PSMD11: variants seen among roughly 807,000 people sequenced by gnomAD.
PSMD11 encodes proteasome 26S subunit, non-ATPase 11, also known as 26S proteasome non-ATPase regulatory subunit 11.
In PSMD11, 5 loss-of-function variants were observed where a neutral mutation model predicts 62.3. The observed-to-expected ratio is 0.08, with a 90% CI of 0.04 to 0.17. The LOEUF is 0.17. Ranked by LOEUF, PSMD11 falls within the 10% of genes least tolerant of loss-of-function variation. The pLI is 1.00. For synonymous variants in PSMD11, 191 were observed against 191.8 expected (o/e 1.00, Z 0.03); for missense variants, 310 against 512.9 (o/e 0.60, Z 3.82).
In PSMD11 at chr17:32,453,322, G is replaced by A. The variant is rs373658536; in HGVS notation, c.194-1173G>A. ...TAAGGTTTATATAGACTGAGAAGAT[G>A]GCAAGACATTTCAGATGGGATTATG... On this transcript the variant is annotated intron_variant, in intron 2 of 13. Coordinates refer to ENST00000261712, the MANE Select transcript of PSMD11 (RefSeq NM_002815.4). Among the ~76,000 whole-genome samples the A allele has an allele frequency of 5.3e-5, 8 of 152,312 alleles. No individual in the cohort carries two copies. In the East Asian group the frequency reaches 1.5e-3, roughly 29 times the overall value.
Position 32,480,132 on chromosome 17 carries a change from T to G in PSMD11, c.1075-14T>G. The G allele has an allele frequency of 6.2e-7, 1 of 1,612,178 alleles. No homozygotes were observed. Among genetic ancestry groups the G allele is most frequent in the Non-Finnish European group, 8.5e-7 (1 of 1,178,204 alleles). On this transcript the variant is annotated splice_polypyrimidine_tract_variant and intron_variant, in intron 11 of 13. Coordinates refer to ENST00000261712, the MANE Select transcript of PSMD11 (RefSeq NM_002815.4). ...GTGGATACTGGTCCCTTTAATCATGTGCTTTGATTTTAGGCCGACGTGGAA... is the reference window on the plus strand; with the variant it reads ...GTGGATACTGGTCCCTTTAATCATGGGCTTTGATTTTAGGCCGACGTGGAA...
chr17:32,479,949 A>G (rs1017668309), intron 11 of PSMD11, 63 bp downstream of exon 11: 21 of 1,563,766 alleles, frequency 1.3e-5, no homozygotes, highest in Non-Finnish European at 1.7e-5. Context: ...GGGGTGGCAC[A>G]TGCACCTGAT....
At chr17:32,450,033 A>G (rs1458871165) in intron 2 of PSMD11, among the ~76,000 whole-genome samples, 2 of 152,180 alleles carry the variant, frequency 1.3e-5, no homozygotes, top group Admixed American at 1.3e-4. Flanking sequence ...TTCATAGCCT[A>G]AAACTTCTAA....
In PSMD11 at chr17:32,468,892, G is replaced by A. The variant is rs557794356; in HGVS notation, c.449-107G>A. ...CTAGAGGTAACCTTTTTTGAGTTCA[G>A]GAATTTTTTTTTTTTTTTAATCCTG... On this transcript the variant is annotated intron_variant, in intron 5 of 13. Transcript: ENST00000261712. 7.6e-6 allele frequency: 8 copies of A among 1,050,312 alleles called. No individual in the cohort carries two copies. The African/African-American group carries it at 1.3e-4, about 17-fold the overall frequency. The allele number at this position is 1,050,312 out of a possible 1,614,324, so 65.1% of individuals were successfully genotyped here. A position where few individuals can be genotyped will look rare whatever the true frequency, so the allele number is the denominator to read the frequency against.
intron 1 of PSMD11, 69 bp from the exon 2 acceptor site, chr17:32,446,876 G>T: frequency 9.9e-7 from 1 of 1,009,928 alleles, no homozygotes; most frequent in Non-Finnish European, 1.5e-6. Context: ...GATCTTATGA[G>T]GGTGAAATTT....
In PSMD11 at chr17:32,449,827, A is replaced by G. The variant is rs900693769; in HGVS notation, c.193+2781A>G. On this transcript the variant is annotated intron_variant, in intron 2 of 13. Coordinates refer to ENST00000261712, the MANE Select transcript of PSMD11 (RefSeq NM_002815.4). ...AACAGAAAATATGTCTGTTCCATTA[A>G]TGTTCAGTTTTTTTATGCATTTAAT... Among the ~76,000 whole-genome samples, 10 of 152,308 alleles carry G rather than the reference A, an allele frequency of 6.6e-5. 1 individual carries two copies. In the South Asian group the frequency reaches 1.0e-3, roughly 16 times the overall value.
intron 6 of PSMD11, among the ~76,000 whole-genome samples, chr17:32,473,264 G>A (rs1301927842): frequency 6.6e-6 from 1 of 151,008 alleles, no homozygotes; most frequent in East Asian, 2.0e-4. Flanking sequence ...GATTACAGGA[G>A]TGAACCCCTG....
intron 3 of PSMD11, among the ~76,000 whole-genome samples, chr17:32,460,517 G>A (rs1907795358): frequency 6.6e-6 from 1 of 152,192 alleles, no homozygotes; most frequent in Non-Finnish European, 1.5e-5. Context: ...GCTCACGCCT[G>A]TGGTCCCAGC....
chr17:32,444,899 T>G, intron 1 of PSMD11: 2 of 495,574 alleles, frequency 4.0e-6, no homozygotes, highest in Admixed American at 4.0e-5. Flanking sequence ...CGGGGATCCC[T>G]CCCTAGCCAT....
intron 2 of PSMD11, among the ~76,000 whole-genome samples, chr17:32,449,345 T>C (rs1444459311): frequency 6.6e-6 from 1 of 152,126 alleles, no homozygotes; most frequent in Non-Finnish European, 1.5e-5. Context: ...GTTGAGGCTG[T>C]AGTGAGCTAT....
rs150447008 is a variant in PSMD11, at chr17:32,446,531, T to C, written c.92-414T>C. On this transcript the variant is annotated intron_variant, in intron 1 of 13. Coordinates refer to ENST00000261712, the MANE Select transcript of PSMD11 (RefSeq NM_002815.4). ...CATCAGTAACTTGGTCAATTGATTT[T>C]AGTTTGTGGCATAAACGCACAGGCA... is the stretch of plus-strand genomic sequence containing the variant. 5.4e-3 allele frequency among the ~76,000 whole-genome samples: 820 copies of C among 152,336 alleles called. 8 individuals are homozygous for C. The highest frequency in any genetic ancestry group is 0.018 in the African/African-American group (733 of 41,580).
chr17:32,445,726 C>T (rs1341015565), intron 1 of PSMD11: 1 of 152,198 alleles, frequency 6.6e-6, no homozygotes. Flanking sequence ...AAGATGTTGG[C>T]ATTTGACTTA....
intron 6 of PSMD11, among the ~76,000 whole-genome samples, chr17:32,471,857 C>G (rs564984628): frequency 6.6e-6 from 1 of 151,712 alleles, no homozygotes; most frequent in African/African-American, 2.4e-5. Flanking sequence ...AAATTGCTGA[C>G]TATGGTGACT....
intron 2 of PSMD11, among the ~76,000 whole-genome samples, chr17:32,450,760 T>G (rs953146327): frequency 6.6e-6 from 1 of 151,894 alleles, no homozygotes; most frequent in Non-Finnish European, 1.5e-5. Context: ...GATGATGAAC[T>G]GAGTCTGAAA....
In PSMD11 at chr17:32,464,526, A is replaced by G; in HGVS notation, c.396A>G (p.Arg132=). Residue 132 remains arginine (R), a synonymous_variant, in exon 5 of 14, where the codon AGA becomes AGG. Transcript: ENST00000261712. ...ATGCCTTTTCTCTTTCCTAGGCAAGACTGGTGTCTTTGTACTTTGATACCA... is the reference window on the plus strand; with the variant it reads ...ATGCCTTTTCTCTTTCCTAGGCAAGGCTGGTGTCTTTGTACTTTGATACCA... ...RTFLRQALEA[R]LVSLYFDTKR... 2.5e-6 allele frequency: 4 copies of G among 1,605,640 alleles called. No homozygotes were observed. The highest frequency in any genetic ancestry group is 1.1e-5 in the South Asian group (1 of 89,914).
At chr17:32,471,837 C>T (rs1337083183) in intron 6 of PSMD11, among the ~76,000 whole-genome samples, 1 of 151,478 alleles carries the variant, frequency 6.6e-6, no homozygotes, top group Non-Finnish European at 1.5e-5. Context: ...ATCTTCTAAT[C>T]TCAGCTGTCA....
intron 7 of PSMD11, 73 bp downstream of exon 7, chr17:32,474,018 C>G: frequency 6.4e-7 from 1 of 1,561,576 alleles, no homozygotes; most frequent in Admixed American, 1.7e-5. Flanking sequence ...GCAGAGATGG[C>G]CTGAGCAGGG....
chr17:32,457,511 C>A (rs1451538286), intron 3 of PSMD11, among the ~76,000 whole-genome samples: 1 of 152,194 alleles, frequency 6.6e-6, no homozygotes, highest in Non-Finnish European at 1.5e-5. Context: ...CCTGGGATTA[C>A]AGGCGTGCAG....
At position 32,479,385 on chromosome 17, in the gene PSMD11, C is replaced by A; in HGVS notation, c.1038+9C>A. ...CTTTTTCCAGAGTACAGGTGAGAACCCTCTGGGGACTCCATTTCTGGCCAG... is the reference window on the plus strand; with the variant it reads ...CTTTTTCCAGAGTACAGGTGAGAACACTCTGGGGACTCCATTTCTGGCCAG... On this transcript the variant is annotated intron_variant, in intron 10 of 13. Coordinates refer to ENST00000261712, the MANE Select transcript of PSMD11 (RefSeq NM_002815.4). 6.2e-7 allele frequency: 1 copy of A among 1,613,286 alleles called. No individual in the cohort carries two copies. The highest frequency in any genetic ancestry group is 8.5e-7 in the Non-Finnish European group (1 of 1,179,538).
Sources: allele counts gnomAD v4.1 joint callset (sites outside exome capture counted in the v4.1 genomes callset), GRCh38; gene constraint gnomAD v4.1.1; transcripts MANE v1.5; gene names NCBI Gene and HGNC (gene_info 2026-07-23, HGNC 2026-07-21).